The following VPS37A variants were observed in gnomAD, a reference collection of about 807,000 sequenced individuals.
VPS37A encodes vacuolar protein sorting-associated protein 37A.
VPS37A carries 30 observed loss-of-function variants against 49.8 expected under a neutral mutation model. The observed-to-expected ratio is 0.60, with a 90% CI of 0.45 to 0.82. VPS37A has a LOEUF of 0.82. VPS37A is among the 40% of genes least tolerant of loss of function. The pLI is 0.00. For missense variants in VPS37A, 593 were observed against 464.4 expected, an observed-to-expected ratio of 1.28 and a Z score of -2.55; for synonymous variants, 195 against 160.6, an observed-to-expected ratio of 1.21 and a Z score of -1.62.
At chr8:17,333,311 G>A in the VPS37A span, among the ~76,000 whole-genome samples, 1 of 152,130 alleles carries the variant, frequency 6.6e-6, no homozygotes, top group East Asian at 1.9e-4. Flanking sequence ...ATATTTTATA[G>A]GGAAAACTTT....
chr8:17,275,022 A>T, intron 5 of VPS37A, 64 bp downstream of exon 5: 3 of 1,426,266 alleles, frequency 2.1e-6, no homozygotes, highest in Non-Finnish European at 2.9e-6. Flanking sequence ...ACACACCTTT[A>T]TTACATGCCT....
chr8:17,328,052 T>A, the VPS37A span, among the ~76,000 whole-genome samples: 7 of 152,174 alleles, frequency 4.6e-5, no homozygotes, highest in East Asian at 1.3e-3. Flanking sequence ...AGTGAAACAA[T>A]GACCAACAGT....
At chr8:17,247,979 G>T (rs182702623) in intron 1 of VPS37A, 142 of 563,144 alleles carry the variant, frequency 2.5e-4, no homozygotes, top group African/African-American at 2.4e-3. Flanking sequence ...TTGTCCCCAC[G>T]CTCAAGAATT....
the VPS37A span, among the ~76,000 whole-genome samples, chr8:17,308,069 G>T: frequency 6.8e-6 from 1 of 147,754 alleles, no homozygotes; most frequent in Non-Finnish European, 1.5e-5. Context: ...ATAAAATGAG[G>T]AAGAAAAAAA....
intron 1 of VPS37A, among the ~76,000 whole-genome samples, chr8:17,249,149 G>A (rs1305342951): frequency 6.6e-6 from 1 of 151,996 alleles, no homozygotes; most frequent in East Asian, 1.9e-4. Context: ...TTTTTTCTTC[G>A]AGGTTGGAGT....
the VPS37A span, among the ~76,000 whole-genome samples, chr8:17,323,279 G>A: frequency 6.6e-6 from 1 of 151,950 alleles, no homozygotes; most frequent in African/African-American, 2.4e-5. Flanking sequence ...AAGGAGTAAT[G>A]GGCTCAGATG....
chr8:17,276,378 A>G lies in VPS37A; in HGVS notation c.643-19A>G. On this transcript the variant is annotated intron_variant, in intron 5 of 11. Coordinates refer to ENST00000324849, the MANE Select transcript of VPS37A (RefSeq NM_152415.3). ...AAAATAATGGCTGAAATTTAATATCATTTAAAACTTTTCTTTAGACAAGCC... is the reference window on the plus strand; with the variant it reads ...AAAATAATGGCTGAAATTTAATATCGTTTAAAACTTTTCTTTAGACAAGCC... The G allele has an allele frequency of 6.2e-7, 1 of 1,603,018 alleles. No homozygotes were observed. The highest frequency in any genetic ancestry group is 1.1e-5 in the South Asian group (1 of 89,182).
At chr8:17,303,964 G>C (rs144550299), downstream of VPS37A, among the ~76,000 whole-genome samples, 1 of 152,276 alleles carries the variant, frequency 6.6e-6, no homozygotes, top group East Asian at 1.9e-4. Flanking sequence ...TGGTGCAAAA[G>C]TAATTGCGGT....
the VPS37A span, chr8:17,311,373 C>A: frequency 9.0e-7 from 1 of 1,115,608 alleles, no homozygotes; most frequent in East Asian, 2.4e-5. Context: ...ATCTTGATCT[C>A]TTCCCCTTTA....
chr8:17,273,073 T>C (rs10094736), intron 4 of VPS37A, among the ~76,000 whole-genome samples: 66,457 of 124,862 alleles, frequency 0.53, 20,622 homozygotes, highest in African/African-American at 0.85. Context: ...CTAAATGATA[T>C]GGTTTTGGAA....
At position 17,296,036 on chromosome 8, in the gene VPS37A, G is replaced by C. The variant is rs1816601977; in HGVS notation, c.*1050G>C. Reference sequence around the variant, plus strand: ...GCCGTGAACTATGTAGCTCAGGCTTGGTAAGGTGCCATCTAAATTACAAAA... The same window carrying C: ...GCCGTGAACTATGTAGCTCAGGCTTCGTAAGGTGCCATCTAAATTACAAAA... On this transcript the variant is annotated 3_prime_UTR_variant, in exon 12 of 12. Coordinates refer to ENST00000324849, the MANE Select transcript of VPS37A (RefSeq NM_152415.3). 6.6e-6 allele frequency: 1 copy of C among 152,062 alleles called. No individual in the cohort carries two copies. Among genetic ancestry groups the C allele is most frequent in the Non-Finnish European group, 1.5e-5 (1 of 68,002 alleles). 9.4% of individuals were successfully genotyped at this position (152,062 alleles called of 1,614,324 possible). A position where few individuals can be genotyped will look rare whatever the true frequency, so the allele number is the denominator to read the frequency against.
chr8:17,311,749 AC>A, the VPS37A span: 1 of 1,506,500 alleles, frequency 6.6e-7, no homozygotes, highest in Non-Finnish European at 9.0e-7. Flanking sequence ...CCAAAACGAA[AC>A]ACCTGTCCAT....
chr8:17,283,348 G>A (rs112745613), intron 9 of VPS37A, among the ~76,000 whole-genome samples: 3,054 of 152,070 alleles, frequency 0.02, 112 homozygotes, highest in African/African-American at 0.069. Context: ...TAGAGACGGG[G>A]TCTCGCTATG....
intron 1 of VPS37A, among the ~76,000 whole-genome samples, chr8:17,250,261 C>G (rs1303649807): frequency 2.6e-5 from 4 of 152,156 alleles, no homozygotes; most frequent in African/African-American, 9.7e-5. Flanking sequence ...AATCAGCCTA[C>G]CAAAGTGCAA....
At chr8:17,249,770 C>G (rs1466721100) in intron 1 of VPS37A, among the ~76,000 whole-genome samples, 1 of 152,152 alleles carries the variant, frequency 6.6e-6, no homozygotes, top group Non-Finnish European at 1.5e-5. Context: ...TAACAAAAGA[C>G]AGGTTAACAA....
At chr8:17,267,422 C>G (rs1462548091) in intron 2 of VPS37A, among the ~76,000 whole-genome samples, 1 of 151,968 alleles carries the variant, frequency 6.6e-6, no homozygotes, top group Admixed American at 6.6e-5. Context: ...ATTTCACTCA[C>G]TAATCTTGGT....
chr8:17,327,296 CCTAA>C, the VPS37A span, among the ~76,000 whole-genome samples: 2 of 152,046 alleles, frequency 1.3e-5, no homozygotes, highest in South Asian at 4.1e-4. Context: ...TGAGACAGAG[CCTAA>C]CTCTCTGTCA....
the VPS37A span, among the ~76,000 whole-genome samples, chr8:17,330,671 C>T: frequency 3.9e-5 from 6 of 152,188 alleles, 1 homozygote; most frequent in Middle Eastern, 0.01. Flanking sequence ...GTGGAGGTGG[C>T]GGGAGGTTAC....
chr8:17,248,252 C>G (rs1239441213), intron 1 of VPS37A: 1 of 442,932 alleles, frequency 2.3e-6, no homozygotes, highest in East Asian at 7.0e-5. Context: ...ATTGTTAAGT[C>G]CCTAACCCCT....
Sources: gnomAD v4.1 joint callset for allele counts (sites outside exome capture counted in the v4.1 genomes callset) on GRCh38, gnomAD v4.1.1 for gene constraint, MANE v1.5 for transcripts, NCBI Gene and HGNC (gene_info 2026-07-23, HGNC 2026-07-21) for gene names.